Variants in KIF13A observed in about 807,000 individuals in gnomAD.
KIF13A encodes the protein kinesin-like protein KIF13A.
In KIF13A, 79 loss-of-function variants were observed where a neutral mutation model predicts 212.2. The observed-to-expected ratio is 0.37, with a 90% CI of 0.31 to 0.45. The LOEUF (loss-of-function observed/expected upper bound fraction) is 0.45. Among genes scored for constraint, KIF13A ranks in the 20% least tolerant of loss-of-function variants. KIF13A has a pLI of 1.00. For synonymous variants in KIF13A, 789 were observed against 808.6 expected, an observed-to-expected ratio of 0.98 and a Z score of 0.41; for missense variants, 1,901 against 2,209.0, an observed-to-expected ratio of 0.86 and a Z score of 2.79.
chr6:17,948,511 C>T (rs1203389867), intron 2 of KIF13A, among the ~76,000 whole-genome samples: 1 of 148,124 alleles, frequency 6.8e-6, no homozygotes, highest in African/African-American at 2.5e-5. Context: ...GGAAGAGAAA[C>T]ATTTTGGCTC....
chr6:17,806,926 C>T (rs149647956), intron 18 of KIF13A, among the ~76,000 whole-genome samples: 2 of 152,276 alleles, frequency 1.3e-5, no homozygotes, highest in African/African-American at 4.8e-5. Context: ...ACGGAGGGAC[C>T]GGCTGGAACC....
Position 17,773,832 on chromosome 6 carries a change from A to G in KIF13A, c.4219-249T>C, listed in dbSNP as rs1450587531. ...CTCAAGTTTAATAAAATTATTACAA[A>G]TGTAGTGTGATCTTTTGGTCCCATT... On this transcript the variant is annotated intron_variant, in intron 35 of 38. Transcript: ENST00000259711. The surrounding 1 kb of genome is among the most constrained non-coding windows in gnomAD (Gnocchi z 4.2). 1.3e-5 allele frequency among the ~76,000 whole-genome samples: 2 copies of G among 152,222 alleles called. No homozygotes were observed. Among genetic ancestry groups the G allele is most frequent in the Non-Finnish European group, 2.9e-5 (2 of 68,038 alleles).
rs942364304 is a variant in KIF13A, at chr6:17,871,592, A to G, written c.220+1785T>C. 6.6e-6 allele frequency among the ~76,000 whole-genome samples: 1 copy of G among 152,204 alleles called. No homozygotes were observed. Among genetic ancestry groups the G allele is most frequent in the African/African-American group, 2.4e-5 (1 of 41,460 alleles). ...GTGAGACTTTCTGGCTTCCTGAGTTATATGAGAGGAACCAACAACAGACAC... is the reference window on the plus strand; with the variant it reads ...GTGAGACTTTCTGGCTTCCTGAGTTGTATGAGAGGAACCAACAACAGACAC... On this transcript the variant is annotated intron_variant, in intron 4 of 38. Transcript: ENST00000259711. This position sits in a 1 kb window ranked among gnomAD's most constrained non-coding sequence, Gnocchi z 4.4.
At chr6:17,779,890 G>A (rs1298930786) in intron 31 of KIF13A, among the ~76,000 whole-genome samples, 1 of 151,704 alleles carries the variant, frequency 6.6e-6, no homozygotes, top group African/African-American at 2.4e-5. Context: ...ACAGGCGCCT[G>A]CCACCTCACC....
At chr6:17,782,689 T>C (rs1561966384) in intron 29 of KIF13A, among the ~76,000 whole-genome samples, 1 of 144,584 alleles carries the variant, frequency 6.9e-6, no homozygotes, top group South Asian at 2.3e-4. Flanking sequence ...TGCTGCTTTC[T>C]GAGGTCAATT....
In KIF13A at chr6:17,968,350, C is replaced by T. The variant is rs1779505455; in HGVS notation, c.146+18704G>A. ...ATCTACCAGTACCTCTCCTTTCTCT[C>T]AATTCTTTCACTCCAGTCCTCTCTC... On this transcript the variant is annotated intron_variant, in intron 2 of 38. Coordinates refer to ENST00000259711, the MANE Select transcript of KIF13A (RefSeq NM_022113.6). The surrounding 1 kb of genome is among the most constrained non-coding windows in gnomAD (Gnocchi z 4.7). Among the ~76,000 whole-genome samples the T allele has an allele frequency of 6.6e-6, 1 of 152,158 alleles. No individual in the cohort carries two copies. Among genetic ancestry groups the T allele is most frequent in the African/African-American group, 2.4e-5 (1 of 41,428 alleles).
intron 2 of KIF13A, among the ~76,000 whole-genome samples, chr6:17,958,732 CCA>C (rs2150582634): frequency 6.6e-6 from 1 of 152,200 alleles, no homozygotes; most frequent in South Asian, 2.1e-4. Context: ...TACTTTAATT[CCA>C]TTTATTCCAT....
At chr6:17,975,306 C>CT (rs138459396) in intron 2 of KIF13A, among the ~76,000 whole-genome samples, 3,093 of 152,114 alleles carry the variant, frequency 0.02, 42 homozygotes, top group Middle Eastern at 0.034. Context: ...TGAGCTGAGA[C>CT]TGTGTTCCGA....
intron 16 of KIF13A, chr6:17,821,811 C>G: frequency 1.3e-6 from 2 of 1,535,352 alleles, no homozygotes; most frequent in Non-Finnish European, 1.7e-6. Flanking sequence ...TGTGGAGGAG[C>G]TTCGTCTGAA....
chr6:17,924,622 T>G (rs1321510054), intron 2 of KIF13A, among the ~76,000 whole-genome samples: 1 of 152,182 alleles, frequency 6.6e-6, no homozygotes, highest in Non-Finnish European at 1.5e-5. Context: ...TTGCACTAAA[T>G]ATTCTTTTTT....
chr6:17,927,398 GA>G (rs1237351366), intron 2 of KIF13A, among the ~76,000 whole-genome samples: 1 of 152,136 alleles, frequency 6.6e-6, no homozygotes, highest in Non-Finnish European at 1.5e-5. Flanking sequence ...AGTGAAATAA[GA>G]CAGACACAAA....
chr6:17,760,643 A>G, downstream of KIF13A: 6 of 590,194 alleles, frequency 1.0e-5, no homozygotes, highest in Non-Finnish European at 9.2e-6. Flanking sequence ...GAAAAAGCAG[A>G]GGCTGTTGAT....
At chr6:17,807,202 A>C (rs1435635144) in intron 18 of KIF13A, among the ~76,000 whole-genome samples, 1 of 152,170 alleles carries the variant, frequency 6.6e-6, no homozygotes, top group Admixed American at 6.5e-5. Flanking sequence ...AGGGAAGACA[A>C]CCATAAGGTC....
At chr6:17,823,179 G>C (rs1305340478) in intron 16 of KIF13A, among the ~76,000 whole-genome samples, 1 of 151,914 alleles carries the variant, frequency 6.6e-6, no homozygotes, top group Non-Finnish European at 1.5e-5. Flanking sequence ...TGGGATTACA[G>C]GCACCTGCCA....
Position 17,833,009 on chromosome 6 carries a change from G to A in KIF13A, c.1266+952C>T, listed in dbSNP as rs560092524. 7.1e-3 allele frequency among the ~76,000 whole-genome samples: 634 copies of A among 89,286 alleles called. 10 individuals are homozygous for A. The highest frequency in any genetic ancestry group is 0.041 in the African/African-American group (587 of 14,182). 58.6% of individuals were successfully genotyped at this position (89,286 alleles called of 152,430 possible). A position where few individuals can be genotyped will look rare whatever the true frequency, so the allele number is the denominator to read the frequency against. ...AGCCTGGGCGACAGAGAGAGACTCT[G>A]TCTGCAAAAAAAAAAAAAAAAAAAA... is the stretch of plus-strand genomic sequence containing the variant. On this transcript the variant is annotated intron_variant, in intron 12 of 38. Coordinates refer to ENST00000259711, the MANE Select transcript of KIF13A (RefSeq NM_022113.6).
intron 4 of KIF13A, among the ~76,000 whole-genome samples, chr6:17,864,889 G>GT (rs1334725936): frequency 6.6e-6 from 1 of 152,200 alleles, no homozygotes; most frequent in Non-Finnish European, 1.5e-5. Flanking sequence ...GCCACCATGT[G>GT]TGTGTACTGG....
intron 3 of KIF13A, among the ~76,000 whole-genome samples, chr6:17,878,714 C>G (rs534475390): frequency 6.6e-6 from 1 of 152,262 alleles, no homozygotes; most frequent in African/African-American, 2.4e-5. Flanking sequence ...AGAATTATTC[C>G]AAAGTCTGTG....
Position 17,963,165 on chromosome 6 carries a change from C to T in KIF13A, c.146+23889G>A, listed in dbSNP as rs1228184880. On this transcript the variant is annotated intron_variant, in intron 2 of 38. Coordinates refer to ENST00000259711, the MANE Select transcript of KIF13A (RefSeq NM_022113.6). The surrounding 1 kb of genome is among the most constrained non-coding windows in gnomAD (Gnocchi z 4.1). ...GGGTGCGGTGGCTCATGCCTGTAAT[C>T]CCAGCACTTTGGGAGGCCGAGGTGG... Among the ~76,000 whole-genome samples, 1 of 152,278 alleles carries T rather than the reference C, an allele frequency of 6.6e-6. No individual in the cohort carries two copies. Among genetic ancestry groups the T allele is most frequent in the South Asian group, 2.1e-4 (1 of 4,826 alleles).
At chr6:17,866,760 G>A (rs1178365141) in intron 4 of KIF13A, among the ~76,000 whole-genome samples, 2 of 146,836 alleles carry the variant, frequency 1.4e-5, no homozygotes, top group Non-Finnish European at 3.0e-5. Context: ...AGAAAGGGAG[G>A]TATTGAAGAA....
Sources: gnomAD v4.1 joint callset for allele counts (sites outside exome capture counted in the v4.1 genomes callset) on GRCh38, gnomAD v4.1.1 for gene constraint, Gnocchi (gnomAD v3.1) non-coding constraint, MANE v1.5 for transcripts, NCBI Gene and HGNC (gene_info 2026-07-23, HGNC 2026-07-21) for gene names.